RASAL2: variants seen among roughly 807,000 people sequenced by gnomAD.
RASAL2 encodes the protein RAS protein activator like 2.
RASAL2 carries 58 observed loss-of-function variants against 128.9 expected under a neutral mutation model. The ratio of observed to expected loss-of-function variants is 0.45; its 90% CI spans 0.36 to 0.56. The LOEUF is 0.56. RASAL2 is among the 20% of genes least tolerant of loss of function. The pLI is 0.00. For missense variants in RASAL2, 1,360 were observed against 1,601.6 expected (o/e 0.85, Z 2.57); for synonymous variants, 561 against 580.8 (o/e 0.97, Z 0.49).
chr1:178,200,751 C>T (rs181676235), intron 1 of RASAL2, among the ~76,000 whole-genome samples: 57 of 152,258 alleles, frequency 3.7e-4, no homozygotes, highest in Non-Finnish European at 6.9e-4. Context: ...GGAATGGTGA[C>T]GTGTGAGAGG....
chr1:178,336,471 C>G (rs1266775028), intron 3 of RASAL2, among the ~76,000 whole-genome samples: 2 of 151,908 alleles, frequency 1.3e-5, no homozygotes, highest in East Asian at 3.9e-4. Context: ...GCCTAATGAT[C>G]GTTATTTCTA....
intron 4 of RASAL2, among the ~76,000 whole-genome samples, chr1:178,394,555 G>T (rs1451529400): frequency 3.9e-5 from 6 of 152,102 alleles, no homozygotes; most frequent in Non-Finnish European, 5.9e-5. Context: ...TTTGGCTTCG[G>T]TCAAGAGGGA....
At chr1:178,447,439 C>G (rs542760351) in intron 9 of RASAL2, among the ~76,000 whole-genome samples, 1 of 151,696 alleles carries the variant, frequency 6.6e-6, no homozygotes, top group Non-Finnish European at 1.5e-5. Context: ...TTTAGGAGGC[C>G]GAGGCAGGCC....
At chr1:178,442,583 A>C in intron 7 of RASAL2, 92 bp from the exon 8 acceptor site, 1 of 1,058,786 alleles carries the variant, frequency 9.4e-7, no homozygotes, top group Non-Finnish European at 1.4e-6. Context: ...TCCCCTTAAT[A>C]GAGTACCTAA....
At chr1:178,270,704 A>G (rs1436592098) in intron 1 of RASAL2, among the ~76,000 whole-genome samples, 3 of 150,884 alleles carry the variant, frequency 2.0e-5, no homozygotes, top group African/African-American at 7.3e-5. Flanking sequence ...GGTCTGCTTC[A>G]GATTAAGAAT....
rs185939865 is a variant in RASAL2, at chr1:178,309,788, C to T, written c.457+9670C>T. Among the ~76,000 whole-genome samples the T allele has an allele frequency of 1.8e-3, 270 of 152,236 alleles. 1 individual carries two copies. In the Middle Eastern group the frequency reaches 0.031, roughly 17 times the overall value. ...TTCAAATACTATAATGAATATAGCA[C>T]TTTACCTTGAAAAAATCCTAAAGTT... On this transcript the variant is annotated intron_variant, in intron 3 of 17. Transcript: ENST00000367649.
chr1:178,322,343 C>T (rs1032421389), intron 3 of RASAL2, among the ~76,000 whole-genome samples: 6 of 152,008 alleles, frequency 3.9e-5, no homozygotes, highest in South Asian at 4.2e-4. Context: ...TTGCTTTGTC[C>T]TTTCTCAGTA....
At position 178,094,466 on chromosome 1, in the gene RASAL2, C is replaced by T; in HGVS notation, c.-27C>T. On this transcript the variant is annotated 5_prime_UTR_variant, in exon 1 of 18. Coordinates refer to ENST00000367649, the MANE Select transcript of RASAL2 (RefSeq NM_170692.4). ...CGCCAGCCCGCCCCGAAGCCGCCGC[C>T]TCGTCCCCCTCCCGCCTCGGGGCAC... 6.6e-7 allele frequency: 1 copy of T among 1,526,416 alleles called. No individual in the cohort carries two copies. Among genetic ancestry groups the T allele is most frequent in the Non-Finnish European group, 8.8e-7 (1 of 1,137,424 alleles). 94.6% of individuals were successfully genotyped at this position (1,526,416 alleles called of 1,614,324 possible).
chr1:178,421,156 C>T (rs1675117832), intron 5 of RASAL2, among the ~76,000 whole-genome samples: 1 of 150,292 alleles, frequency 6.7e-6, no homozygotes, highest in African/African-American at 2.4e-5. Context: ...CAGTTTGGCT[C>T]CAGAGTCCAT....
intron 1 of RASAL2, among the ~76,000 whole-genome samples, chr1:178,155,675 G>A (rs937001376): frequency 8.0e-5 from 12 of 150,300 alleles, no homozygotes; most frequent in Non-Finnish European, 7.4e-5. Context: ...TCTTTAGAGA[G>A]CATGCTGAAT....
chr1:178,310,014 TGAGTA>T (rs1471853389), intron 3 of RASAL2, among the ~76,000 whole-genome samples: 1 of 152,188 alleles, frequency 6.6e-6, no homozygotes, highest in Non-Finnish European at 1.5e-5. Context: ...CATGGCTTGG[TGAGTA>T]GAGTTTCCTT....
At chr1:178,111,261 C>T (rs987158371) in intron 1 of RASAL2, among the ~76,000 whole-genome samples, 2 of 152,126 alleles carry the variant, frequency 1.3e-5, no homozygotes, top group Admixed American at 1.3e-4. Context: ...TTGCGCACAC[C>T]ACCACACCTG....
intron 1 of RASAL2, among the ~76,000 whole-genome samples, chr1:178,223,865 A>C (rs1405190747): frequency 1.3e-5 from 2 of 152,118 alleles, no homozygotes; most frequent in African/African-American, 4.8e-5. Flanking sequence ...GTGATAACTA[A>C]GGTTTGGGGC....
chr1:178,244,557 TTTTG>T (rs1435943927), intron 1 of RASAL2, among the ~76,000 whole-genome samples: 1 of 152,162 alleles, frequency 6.6e-6, no homozygotes, highest in East Asian at 1.9e-4. Context: ...TTCTTTAAAA[TTTTG>T]TTTTATTTTT....
Position 178,314,119 on chromosome 1 carries a change from A to G in RASAL2, c.457+14001A>G, listed in dbSNP as rs560932618. ...TTATATTTCTGCCGATGAATTCAAA[A>G]CCCAGGGACCACGATAGTAAAATAC... On this transcript the variant is annotated intron_variant, in intron 3 of 17. Transcript: ENST00000367649. Among the ~76,000 whole-genome samples the G allele has an allele frequency of 1.9e-3, 290 of 152,252 alleles. 3 individuals carry two copies. Among genetic ancestry groups the G allele is most frequent in the African/African-American group, 6.6e-3 (276 of 41,552 alleles).
At chr1:178,367,624 A>C (rs1283038259) in intron 3 of RASAL2, among the ~76,000 whole-genome samples, 1 of 152,168 alleles carries the variant, frequency 6.6e-6, no homozygotes, top group Non-Finnish European at 1.5e-5. Flanking sequence ...GAGTACAAGC[A>C]GCTATAATGA....
chr1:178,130,060 G>A (rs535867950), intron 1 of RASAL2, among the ~76,000 whole-genome samples: 85 of 152,244 alleles, frequency 5.6e-4, no homozygotes, highest in Middle Eastern at 3.4e-3. Context: ...TTAAGGAAAA[G>A]CTTCATTTCA....
intron 1 of RASAL2, among the ~76,000 whole-genome samples, chr1:178,195,297 T>TA (rs1418436250): frequency 6.6e-6 from 1 of 152,252 alleles, no homozygotes; most frequent in Non-Finnish European, 1.5e-5. Context: ...TTTTCCATAG[T>TA]AGGCGTTTAT....
chr1:178,316,005 A>G (rs1420909256), intron 3 of RASAL2, among the ~76,000 whole-genome samples: 1 of 4,426 alleles, frequency 2.3e-4, no homozygotes, highest in Non-Finnish European at 4.1e-4. Flanking sequence ...AGCTTCCTAC[A>G]TATGGCTAGC....
Sources: allele counts gnomAD v4.1 joint callset (sites outside exome capture counted in the v4.1 genomes callset), GRCh38; gene constraint gnomAD v4.1.1; transcripts MANE v1.5; gene names NCBI Gene and HGNC (gene_info 2026-07-23, HGNC 2026-07-21).